MYO16: variants seen among roughly 807,000 people sequenced by gnomAD.
The protein encoded by MYO16 is myosin XVI.
MYO16 carries 94 observed loss-of-function variants against 205.3 expected under a neutral mutation model. The ratio of observed to expected loss-of-function variants is 0.46; its 90% CI spans 0.39 to 0.54. MYO16 has a LOEUF of 0.54. Among genes scored for constraint, MYO16 ranks in the 20% least tolerant of loss-of-function variants. The probability of loss-of-function intolerance (pLI) is 0.00; values close to 1 mark genes in which losing one functional copy is unlikely to be tolerated. For synonymous variants in MYO16, 988 were observed against 954.0 expected (o/e 1.04, Z -0.66); for missense variants, 2,315 against 2,387.5 (o/e 0.97, Z 0.63).
At chr13:108,747,651 A>G (rs1436336345) in intron 4 of MYO16, among the ~76,000 whole-genome samples, 2 of 152,206 alleles carry the variant, frequency 1.3e-5, no homozygotes, top group African/African-American at 2.4e-5. Context: ...ACATGGAAAT[A>G]GTTACAAACA....
At chr13:108,863,718 C>G (rs1371268489) in intron 11 of MYO16, among the ~76,000 whole-genome samples, 1 of 151,970 alleles carries the variant, frequency 6.6e-6, no homozygotes, top group South Asian at 2.1e-4. Context: ...GGGAAGTGTT[C>G]CTTTTTCTGT....
chr13:108,891,528 T>C (rs1199976105), intron 14 of MYO16, among the ~76,000 whole-genome samples: 2 of 152,230 alleles, frequency 1.3e-5, no homozygotes, highest in African/African-American at 4.8e-5. Flanking sequence ...ATAATGTACA[T>C]ATGTGCTATA....
At chr13:109,074,636 C>T (rs1436196569) in intron 27 of MYO16, among the ~76,000 whole-genome samples, 1 of 152,106 alleles carries the variant, frequency 6.6e-6, no homozygotes, top group Admixed American at 6.6e-5. Context: ...GGAACATCCA[C>T]ACTTACACCA....
chr13:108,757,754 T>G (rs1183518125), intron 4 of MYO16, among the ~76,000 whole-genome samples: 1 of 152,172 alleles, frequency 6.6e-6, no homozygotes, highest in East Asian at 1.9e-4. Context: ...CTTGCGACAG[T>G]TTGCTGAGCT....
intron 23 of MYO16, among the ~76,000 whole-genome samples, chr13:109,043,815 GAGAGA>G (rs1886958139): frequency 6.6e-6 from 1 of 152,124 alleles, no homozygotes; most frequent in African/African-American, 2.4e-5. Flanking sequence ...CATGAGGAAG[GAGAGA>G]AGGACGAATG....
At chr13:108,567,408 G>A in the MYO16 span, among the ~76,000 whole-genome samples, 2 of 152,180 alleles carry the variant, frequency 1.3e-5, no homozygotes, top group African/African-American at 2.4e-5. Context: ...TTGTTAGCCC[G>A]GGTGATAAGA....
intron 10 of MYO16, among the ~76,000 whole-genome samples, chr13:108,846,248 T>C (rs1877512542): frequency 6.6e-6 from 1 of 152,186 alleles, no homozygotes; most frequent in African/African-American, 2.4e-5. Context: ...TTGGTTTTTG[T>C]TTTCATTACA....
chr13:109,117,690 A>T (rs1875793819), intron 28 of MYO16, among the ~76,000 whole-genome samples: 1 of 152,178 alleles, frequency 6.6e-6, no homozygotes, highest in Middle Eastern at 3.4e-3. Context: ...GTTTGATTTC[A>T]GTTGTAAAGG....
At chr13:108,561,325 A>G in the MYO16 span, among the ~76,000 whole-genome samples, 1 of 152,224 alleles carries the variant, frequency 6.6e-6, no homozygotes, top group Admixed American at 6.5e-5. Flanking sequence ...ACAGAAACCA[A>G]TATTTACTCT....
intron 2 of MYO16, among the ~76,000 whole-genome samples, chr13:108,669,404 G>T (rs1255338935): frequency 6.6e-6 from 1 of 152,082 alleles, no homozygotes; most frequent in Non-Finnish European, 1.5e-5. Flanking sequence ...AACAGGAATG[G>T]ACACAGAAAG....
At chr13:108,521,905 A>G in the MYO16 span, among the ~76,000 whole-genome samples, 12 of 152,340 alleles carry the variant, frequency 7.9e-5, no homozygotes, top group South Asian at 1.4e-3. Context: ...TTAATCTGCA[A>G]TGATATAAAT....
At chr13:108,667,313 C>CTTT (rs1881777074) in intron 2 of MYO16, among the ~76,000 whole-genome samples, 1 of 120,908 alleles carries the variant, frequency 8.3e-6, no homozygotes, top group Non-Finnish European at 1.7e-5. Context: ...CTGAGAATTT[C>CTTT]TGTTTTGTTT....
intron 3 of MYO16, among the ~76,000 whole-genome samples, chr13:108,714,600 G>GTC (rs796094641): frequency 1.2e-3 from 178 of 144,282 alleles, no homozygotes; most frequent in Middle Eastern, 3.4e-3. Context: ...GTCTGTGTGT[G>GTC]TGTGTGTGTG....
chr13:108,650,269 C>A (rs11841990), intron 1 of MYO16, among the ~76,000 whole-genome samples: 8,998 of 151,976 alleles, frequency 0.059, 626 homozygotes, highest in East Asian at 0.18. Context: ...TAAGAGAAAT[C>A]ATTAATATAA....
intron 4 of MYO16, among the ~76,000 whole-genome samples, chr13:108,728,438 A>G (rs1884414319): frequency 2.0e-5 from 1 of 50,216 alleles, no homozygotes; most frequent in South Asian, 5.7e-4. Context: ...TGCCATACCA[A>G]TTACCGCCTA....
At chr13:108,755,925 G>A (rs926481765) in intron 4 of MYO16, among the ~76,000 whole-genome samples, 1 of 152,144 alleles carries the variant, frequency 6.6e-6, no homozygotes, top group Non-Finnish European at 1.5e-5. Context: ...GCCAATGTTA[G>A]GATAGTAATA....
intron 9 of MYO16, among the ~76,000 whole-genome samples, chr13:108,826,873 AT>A (rs1301299640): frequency 3.9e-5 from 6 of 152,168 alleles, no homozygotes; most frequent in Non-Finnish European, 7.3e-5. Context: ...GAACAAAAAA[AT>A]AAAGGTAAAT....
At chr13:108,936,701 C>CTT (rs1882507023) in intron 16 of MYO16, among the ~76,000 whole-genome samples, 1 of 152,036 alleles carries the variant, frequency 6.6e-6, no homozygotes, top group African/African-American at 2.4e-5. Flanking sequence ...CCACCCTTTA[C>CTT]TTTGATTCTA....
intron 1 of MYO16, among the ~76,000 whole-genome samples, chr13:108,630,795 C>T (rs929846800): frequency 2.0e-5 from 3 of 152,016 alleles, no homozygotes; most frequent in Non-Finnish European, 4.4e-5. Flanking sequence ...GAGCTTTGCA[C>T]TAAAGGAGAC....
Sources: gnomAD v4.1 joint callset for allele counts (sites outside exome capture counted in the v4.1 genomes callset) on GRCh38, gnomAD v4.1.1 for gene constraint, MANE v1.5 for transcripts, NCBI Gene and HGNC (gene_info 2026-07-23, HGNC 2026-07-21) for gene names.